The following KLHL18 variants were observed in gnomAD, a reference collection of about 807,000 sequenced individuals.
KLHL18 encodes kelch like family member 18.
A neutral mutation model predicts 58.5 loss-of-function variants in KLHL18; 38 were observed. That is an observed-to-expected ratio of 0.65 (90% CI 0.50 to 0.85). KLHL18 has a LOEUF of 0.85. Ranked by LOEUF, KLHL18 falls within the 40% of genes least tolerant of loss-of-function variation. The pLI is 0.00. For synonymous variants in KLHL18, 303 were observed against 301.9 expected (o/e 1.00, Z -0.04); for missense variants, 624 against 778.4 (o/e 0.80, Z 2.36).
At chr3:47,286,270 G>A (rs1325099084) in intron 1 of KLHL18, among the ~76,000 whole-genome samples, 1 of 152,216 alleles carries the variant, frequency 6.6e-6, no homozygotes, top group Non-Finnish European at 1.5e-5. Flanking sequence ...AGCCCAAGGA[G>A]TAGCTCTGTA....
rs1703906880 is a variant in KLHL18, at chr3:47,333,231, C to T, written c.675C>T (p.Ser225=). The T allele has an allele frequency of 3.1e-6, 5 of 1,614,026 alleles. No individual in the cohort carries two copies. The South Asian group carries it at 5.5e-5, about 18-fold the overall frequency. Residue 225 remains serine, a synonymous_variant, in exon 5 of 10, where the codon TCC becomes TCT. Transcript: ENST00000232766. ...QRGPYLPELL[S]NIRLPLCRPQ... is the part of the protein sequence containing the mutation. ...GTCCCTACCTGCCTGAGCTGCTGTC[C>T]AATATCCGCCTGCCCCTCTGTCGGC... is the stretch of plus-strand genomic sequence containing the variant.
chr3:47,342,919 T>G, intron 9 of KLHL18, 89 bp downstream of exon 9: 1 of 953,076 alleles, frequency 1.0e-6, no homozygotes, highest in Non-Finnish European at 1.7e-6. Context: ...AACTTCAGCC[T>G]TGCCACAGCT....
chr3:47,328,985 T>G (rs920446020), intron 3 of KLHL18, among the ~76,000 whole-genome samples: 4 of 151,668 alleles, frequency 2.6e-5, no homozygotes, highest in Admixed American at 2.6e-4. Flanking sequence ...GTACAAAAAT[T>G]AGCCAGGCAT....
At chr3:47,332,137 C>G (rs565541871) in intron 4 of KLHL18, among the ~76,000 whole-genome samples, 13 of 152,194 alleles carry the variant, frequency 8.5e-5, no homozygotes, top group African/African-American at 3.1e-4. Flanking sequence ...ATTTGTTGAG[C>G]TCAGGAGTTT....
chr3:47,342,551 C>T (rs1704132031), intron 8 of KLHL18, among the ~76,000 whole-genome samples, 168 bp from the exon 9 acceptor site: 1 of 152,134 alleles, frequency 6.6e-6, no homozygotes, highest in Admixed American at 6.5e-5. Context: ...GGGTTTGCAG[C>T]TTGGGTGAGA....
At chr3:47,308,814 G>A (rs751033301) in intron 1 of KLHL18, among the ~76,000 whole-genome samples, 13 of 149,064 alleles carry the variant, frequency 8.7e-5, no homozygotes, top group East Asian at 1.9e-4. Flanking sequence ...GGTGTTTCTC[G>A]CAGAGGGGGA....
At chr3:47,317,776 G>C (rs867773881) in intron 1 of KLHL18, among the ~76,000 whole-genome samples, 7 of 152,240 alleles carry the variant, frequency 4.6e-5, no homozygotes, top group Middle Eastern at 3.4e-3. Context: ...GTAGGGGATA[G>C]TACATGAAGA....
intron 1 of KLHL18, among the ~76,000 whole-genome samples, chr3:47,295,948 A>T (rs974563741): frequency 6.6e-6 from 1 of 152,126 alleles, no homozygotes; most frequent in Non-Finnish European, 1.5e-5. Flanking sequence ...GGTTGTGTGA[A>T]GTCCCATCTC....
chr3:47,316,575 GTA>G lies in KLHL18; in HGVS notation c.130-3069_130-3068del, dbSNP rs373965634. On this transcript the variant is annotated intron_variant, in intron 1 of 9. Transcript: ENST00000232766. ...TATATACATATATATGTATATGTGT[GTA>G]TATATATACATATATACGTATATAT... Among the ~76,000 whole-genome samples the G allele has an allele frequency of 6.2e-4, 34 of 55,142 alleles. 1 individual carries two copies. The highest frequency in any genetic ancestry group is 1.5e-3 in the East Asian group (3 of 1,986). 36.2% of individuals were successfully genotyped at this position (55,142 alleles called of 152,430 possible).
intron 6 of KLHL18, among the ~76,000 whole-genome samples, chr3:47,336,194 A>C (rs751520216): frequency 2.6e-5 from 4 of 152,222 alleles, no homozygotes; most frequent in Non-Finnish European, 5.9e-5. Flanking sequence ...AAATGAAAGC[A>C]CTGGAGCGCA....
chr3:47,342,177 C>A (rs1704124031), intron 8 of KLHL18, among the ~76,000 whole-genome samples: 1 of 152,154 alleles, frequency 6.6e-6, no homozygotes, highest in African/African-American at 2.4e-5. Flanking sequence ...GGTGCAGGTA[C>A]AGGAGGAGCA....
At position 47,344,320 on chromosome 3, in the gene KLHL18, T is replaced by A; in HGVS notation, c.*379T>A. ...ATCGCCTGCTTGCTCTCCAGCCGAG[T>A]CTGGCCAATTTGCCATGGGGAGGCT... On this transcript the variant is annotated 3_prime_UTR_variant, in exon 10 of 10. Transcript: ENST00000232766. The A allele has an allele frequency of 3.6e-6, 1 of 279,672 alleles. No homozygotes were observed. The highest frequency in any genetic ancestry group is 4.1e-5 in the South Asian group (1 of 24,288). The allele number at this position is 279,672 out of a possible 1,614,324, so 17.3% of individuals were successfully genotyped here. A position where few individuals can be genotyped will look rare whatever the true frequency, so the allele number is the denominator to read the frequency against.
chr3:47,319,914 T>A, intron 2 of KLHL18, 131 bp downstream of exon 2: 1 of 976,816 alleles, frequency 1.0e-6, no homozygotes, highest in Non-Finnish European at 1.5e-6. Context: ...AATAAGTGAT[T>A]AATAAGCAGA....
intron 3 of KLHL18, among the ~76,000 whole-genome samples, chr3:47,323,300 C>G (rs1180273472): frequency 6.6e-6 from 1 of 152,092 alleles, no homozygotes. Flanking sequence ...CCATGTTGCC[C>G]AGGCTGGTCT....
Position 47,334,625 on chromosome 3 carries a change from A to G in KLHL18, c.762-58A>G, listed in dbSNP as rs1346168349. 16 of 1,592,776 alleles carry G rather than the reference A, an allele frequency of 1.0e-5. No homozygotes were observed. The Admixed American group carries it at 2.7e-4, about 27-fold the overall frequency. On this transcript the variant is annotated intron_variant, in intron 5 of 9. Transcript: ENST00000232766. This position sits in a 1 kb window ranked among gnomAD's most constrained non-coding sequence, Gnocchi z 4.7. ...AGTGGAGAGCCAGGCTCAGAGATGC[A>G]AACGAGGACTAAGTCAGGGGGATAC...
chr3:47,322,722 G>A lies in KLHL18; in HGVS notation c.401+14G>A, dbSNP rs778959029. 4.1e-5 allele frequency: 63 copies of A among 1,542,492 alleles called. No homozygotes were observed. The highest frequency in any genetic ancestry group is 5.3e-5 in the Non-Finnish European group (61 of 1,144,598). ...CCTTCGAGAACGGTGAGGTGATGTG[G>A]TGGGCCTGGTGGAGAACATGACTAT... On this transcript the variant is annotated intron_variant, in intron 3 of 9. Transcript: ENST00000232766.
At chr3:47,305,991 A>G (rs1703139818) in intron 1 of KLHL18, among the ~76,000 whole-genome samples, 1 of 151,936 alleles carries the variant, frequency 6.6e-6, no homozygotes, top group Non-Finnish European at 1.5e-5. Flanking sequence ...TGTCAATTTT[A>G]TCAATATTTT....
At chr3:47,301,740 A>T (rs1703030033) in intron 1 of KLHL18, among the ~76,000 whole-genome samples, 1 of 152,206 alleles carries the variant, frequency 6.6e-6, no homozygotes. Flanking sequence ...CCTACTGTTG[A>T]CTAGAAGGAA....
intron 1 of KLHL18, among the ~76,000 whole-genome samples, chr3:47,319,232 T>C (rs1703526809): frequency 6.6e-6 from 1 of 152,176 alleles, no homozygotes; most frequent in Non-Finnish European, 1.5e-5. Flanking sequence ...GAGCATACTG[T>C]TAGGAGCACC....
Sources: gnomAD v4.1 joint callset for allele counts (sites outside exome capture counted in the v4.1 genomes callset) on GRCh38, gnomAD v4.1.1 for gene constraint, Gnocchi (gnomAD v3.1) non-coding constraint, MANE v1.5 for transcripts, NCBI Gene and HGNC (gene_info 2026-07-23, HGNC 2026-07-21) for gene names.